Variants in ARHGEF18 observed in about 807,000 individuals in gnomAD.
ARHGEF18 encodes the protein rho guanine nucleotide exchange factor 18.
ARHGEF18 carries 93 observed loss-of-function variants against 155.7 expected under a neutral mutation model. The observed-to-expected ratio is 0.60, with a 90% CI of 0.50 to 0.71. ARHGEF18 has a LOEUF of 0.71. ARHGEF18 is among the 30% of genes least tolerant of loss of function. The pLI is 0.00. For synonymous variants in ARHGEF18, 742 were observed against 753.1 expected (o/e 0.99, Z 0.24); for missense variants, 1,593 against 1,816.1 (o/e 0.88, Z 2.23).
intron 17 of ARHGEF18, among the ~76,000 whole-genome samples, chr19:7,454,878 C>T (rs1975727761): frequency 6.6e-6 from 1 of 152,126 alleles, no homozygotes; most frequent in East Asian, 1.9e-4. Flanking sequence ...TGGGCCCAGC[C>T]ACTGAGAGGC....
At chr19:7,430,190 T>A (rs1973876962) in intron 10 of ARHGEF18, among the ~76,000 whole-genome samples, 2 of 152,060 alleles carry the variant, frequency 1.3e-5, no homozygotes, top group Non-Finnish European at 2.9e-5. Flanking sequence ...TTTGAGATAC[T>A]TCCCTGTCAT....
intron 16 of ARHGEF18, among the ~76,000 whole-genome samples, chr19:7,453,076 G>A (rs1379025633): frequency 6.6e-6 from 1 of 151,936 alleles, no homozygotes; most frequent in Non-Finnish European, 1.5e-5. Flanking sequence ...GCGGGTGCCT[G>A]TAATCCCAGC....
intron 2 of ARHGEF18, 96 bp downstream of exon 2, chr19:7,363,001 T>C (rs1969694981): frequency 2.5e-6 from 3 of 1,211,200 alleles, no homozygotes; most frequent in Non-Finnish European, 3.1e-6. Context: ...GCACTTTGTG[T>C]ACATTATCTC....
In ARHGEF18 at chr19:7,362,158, G is replaced by A. The variant is rs62111675; in HGVS notation, c.-110-623G>A. Among the ~76,000 whole-genome samples, 126 of 22,204 alleles carry A rather than the reference G, an allele frequency of 5.7e-3. 24 individuals carry two copies. The East Asian group carries it at 0.12, about 22-fold the overall frequency. The allele number at this position is 22,204 out of a possible 152,430, so 14.6% of individuals were successfully genotyped here. A position where few individuals can be genotyped will look rare whatever the true frequency, so the allele number is the denominator to read the frequency against. On this transcript the variant is annotated intron_variant, in intron 1 of 28. Transcript: ENST00000668164. ...GAAGGAGAAGGAGAAGGAGAAGGAG[G>A]AGAAGAAGGAGAAGAAGGAGAAGAA...
At chr19:7,356,785 T>G (rs1330151666) in intron 1 of ARHGEF18, among the ~76,000 whole-genome samples, 1 of 152,188 alleles carries the variant, frequency 6.6e-6, no homozygotes, top group Non-Finnish European at 1.5e-5. Context: ...CCTGCATGAC[T>G]TGTTAGTCAC....
At chr19:7,355,832 C>A in intron 1 of ARHGEF18, 1 of 450,254 alleles carries the variant, frequency 2.2e-6, no homozygotes, top group Non-Finnish European at 2.9e-6. Flanking sequence ...GCCCTGGATT[C>A]CATGACCCCT....
At chr19:7,393,706 A>T (rs368491131) in intron 10 of ARHGEF18, among the ~76,000 whole-genome samples, 12 of 151,600 alleles carry the variant, frequency 7.9e-5, no homozygotes, top group East Asian at 5.8e-4. Context: ...TCTGCCAAAT[A>T]GCACCTGTGT....
chr19:7,453,651 G>T lies in ARHGEF18; in HGVS notation c.2040G>T (p.Met680Ile). 6.2e-7 allele frequency: 1 copy of T among 1,608,946 alleles called. No homozygotes were observed. The highest frequency in any genetic ancestry group is 8.5e-7 in the Non-Finnish European group (1 of 1,176,202). Reference sequence around the variant, plus strand: ...GGCTCACCTTCCGCAAGGAAGACATGCTTCAGCGGCAGCTCCACCTGGAGG... The same window carrying T: ...GGCTCACCTTCCGCAAGGAAGACATTCTTCAGCGGCAGCTCCACCTGGAGG... ...KNGLTFRKEDMLQRQLHLEGM... is the reference protein window; with the variant it reads ...KNGLTFRKEDILQRQLHLEGM... The change falls in exon 17 of 29, where the codon ATG becomes ATT. Residue 680 changes from methionine to isoleucine, a missense_variant. Physicochemically the swap from Met to Ile is conservative, Grantham distance 10. Transcript: ENST00000668164.
At chr19:7,367,788 T>TTA (rs1407889165) in intron 2 of ARHGEF18, among the ~76,000 whole-genome samples, 12 of 27,592 alleles carry the variant, frequency 4.3e-4, no homozygotes, top group Non-Finnish European at 6.7e-4. Flanking sequence ...TATATATATT[T>TTA]TATATATATA....
At chr19:7,456,483 G>A (rs1228549761) in intron 18 of ARHGEF18, 80 bp downstream of exon 18, 13 of 1,279,278 alleles carry the variant, frequency 1.0e-5, no homozygotes, top group Non-Finnish European at 1.4e-5. Flanking sequence ...TTGGGAGGCC[G>A]AGGTGGGCAG....
intron 10 of ARHGEF18, among the ~76,000 whole-genome samples, chr19:7,428,903 C>A (rs1022661406): frequency 6.6e-6 from 1 of 152,190 alleles, no homozygotes; most frequent in Non-Finnish European, 1.5e-5. Context: ...TGATGTGACA[C>A]CAGTGCCTGG....
chr19:7,375,629 T>A (rs1970426200), intron 3 of ARHGEF18, 91 bp from the exon 4 acceptor site: 2 of 1,199,062 alleles, frequency 1.7e-6, no homozygotes, highest in East Asian at 6.3e-5. Context: ...AGGGCCCCCT[T>A]GCATGTTCTT....
chr19:7,429,920 C>T (rs1973861841), intron 10 of ARHGEF18, among the ~76,000 whole-genome samples: 1 of 151,790 alleles, frequency 6.6e-6, no homozygotes, highest in Admixed American at 6.6e-5. Flanking sequence ...CTCAGTGCAT[C>T]CTGGAAGTAC....
intron 10 of ARHGEF18, among the ~76,000 whole-genome samples, chr19:7,438,644 C>T (rs1411033198): frequency 6.6e-6 from 1 of 152,126 alleles, no homozygotes; most frequent in Non-Finnish European, 1.5e-5. Flanking sequence ...CTCCCCATCT[C>T]AGGTGATCCA....
rs138351112 is a variant in ARHGEF18 at position 7,409,934 on chromosome 19, C to T, written c.967+26731C>T. Among the ~76,000 whole-genome samples, 257 of 142,334 alleles carry T rather than the reference C, an allele frequency of 1.8e-3. 6 individuals carry two copies. The East Asian group carries it at 0.043, about 24-fold the overall frequency. 93.4% of individuals were successfully genotyped at this position (142,334 alleles called of 152,430 possible). ...GATTACAGGTGCCTGCCACCACACC[C>T]GGCTAATTTTTTTTGTATTTTTTTT... On this transcript the variant is annotated intron_variant, in intron 10 of 28. Coordinates refer to ENST00000668164, the MANE Select transcript of ARHGEF18 (RefSeq NM_001367823.1).
intron 10 of ARHGEF18, among the ~76,000 whole-genome samples, chr19:7,403,074 C>T (rs562675096): frequency 5.9e-5 from 9 of 152,242 alleles, no homozygotes; most frequent in African/African-American, 1.4e-4. Context: ...AGTACAGTGG[C>T]GCGATCTCGG....
intron 10 of ARHGEF18, among the ~76,000 whole-genome samples, chr19:7,385,519 A>T (rs1429630299): frequency 6.7e-6 from 1 of 150,334 alleles, no homozygotes; most frequent in Non-Finnish European, 1.5e-5. Context: ...TCTGTCACCC[A>T]GGCTGGAGTG....
At chr19:7,356,142 C>A (rs541906467) in intron 1 of ARHGEF18, among the ~76,000 whole-genome samples, 1 of 151,966 alleles carries the variant, frequency 6.6e-6, no homozygotes, top group Non-Finnish European at 1.5e-5. Flanking sequence ...ACACACACAT[C>A]GGCTGGTGCT....
At chr19:7,446,284 A>G (rs1372560843) in intron 14 of ARHGEF18, among the ~76,000 whole-genome samples, 2 of 152,160 alleles carry the variant, frequency 1.3e-5, no homozygotes, top group South Asian at 4.2e-4. Context: ...TGGCAGGAGA[A>G]TCACTCAGAC....
Sources: allele counts gnomAD v4.1 joint callset (sites outside exome capture counted in the v4.1 genomes callset), GRCh38; gene constraint gnomAD v4.1.1; transcripts MANE v1.5; gene names NCBI Gene and HGNC (gene_info 2026-07-23, HGNC 2026-07-21).